The following HUNK variants were observed in gnomAD, a reference collection of about 807,000 sequenced individuals.
HUNK encodes hormonally up-regulated Neu-associated kinase.
In HUNK, 21 loss-of-function variants were observed where a neutral mutation model predicts 61.0. The ratio of observed to expected loss-of-function variants is 0.34; its 90% CI spans 0.24 to 0.50. HUNK has a LOEUF of 0.50. Among genes scored for constraint, HUNK ranks in the 20% least tolerant of loss-of-function variants. HUNK has a pLI of 0.98. For synonymous variants in HUNK, 371 were observed against 386.1 expected, an observed-to-expected ratio of 0.96 and a Z score of 0.46; for missense variants, 772 against 945.7, an observed-to-expected ratio of 0.82 and a Z score of 2.41.
intron 2 of HUNK, among the ~76,000 whole-genome samples, chr21:31,939,717 GTTTT>G (rs369967151): frequency 7.7e-6 from 1 of 130,466 alleles, no homozygotes; most frequent in Admixed American, 7.8e-5. Flanking sequence ...CTCATGTGTT[GTTTT>G]TTTTTTTTTT....
chr21:31,998,386 G>C, intron 10 of HUNK, 140 bp from the exon 11 acceptor site: 1 of 780,250 alleles, frequency 1.3e-6, no homozygotes. Context: ...TTGCAAAGTA[G>C]CCAAGGCTGT....
At chr21:31,925,983 G>A (rs761672444) in intron 2 of HUNK, among the ~76,000 whole-genome samples, 60 of 151,490 alleles carry the variant, frequency 4.0e-4, no homozygotes, top group Non-Finnish European at 7.4e-4. Context: ...GTGCAATGGC[G>A]CAATCTTGGC....
At chr21:31,983,689 TTACTGTGGGACA>T in intron 8 of HUNK, 80 bp downstream of exon 8, 1 of 989,614 alleles carries the variant, frequency 1.0e-6, no homozygotes, top group Non-Finnish European at 1.6e-6. Context: ...AAGAAACCAA[TTACTGTGGGACA>T]CTGAAGTAGC....
intron 1 of HUNK, among the ~76,000 whole-genome samples, chr21:31,919,398 G>A (rs1469450914): frequency 6.6e-6 from 1 of 152,178 alleles, no homozygotes; most frequent in East Asian, 1.9e-4. Flanking sequence ...TTGCACAGAA[G>A]TTGGAAGGTA....
chr21:31,911,747 C>T (rs1013458018), intron 1 of HUNK, among the ~76,000 whole-genome samples: 10 of 151,430 alleles, frequency 6.6e-5, no homozygotes, highest in South Asian at 2.1e-4. Context: ...TTTAGGGGGG[C>T]GTGTGGGGGC....
At position 31,917,691 on chromosome 21, in the gene HUNK, AACATACACACACACAC is replaced by A. The variant is rs1469184097; in HGVS notation, c.262-6773_262-6758del. On this transcript the variant is annotated intron_variant, in intron 1 of 10. Coordinates refer to ENST00000270112, the MANE Select transcript of HUNK (RefSeq NM_014586.2). ...TACCCTCCTGAAACTCCCATTCCCA[AACATACACACACACAC>A]ACACACACACACACACACACACACA... Among the ~76,000 whole-genome samples, 349 of 54,648 alleles carry A rather than the reference AACATACACACACACAC, an allele frequency of 6.4e-3. 4 individuals carry two copies. The highest frequency in any genetic ancestry group is 0.015 in the African/African-American group (250 of 17,076). 35.9% of individuals were successfully genotyped at this position (54,648 alleles called of 152,430 possible). A position where few individuals can be genotyped will look rare whatever the true frequency, so the allele number is the denominator to read the frequency against.
chr21:31,905,745 G>A (rs556358667), intron 1 of HUNK, among the ~76,000 whole-genome samples: 2 of 152,312 alleles, frequency 1.3e-5, no homozygotes, highest in African/African-American at 2.4e-5. Flanking sequence ...AATAAATCAG[G>A]GCAGAGTGGA....
intron 4 of HUNK, among the ~76,000 whole-genome samples, chr21:31,947,447 C>A (rs2052816626): frequency 6.6e-6 from 1 of 152,260 alleles, no homozygotes. Context: ...AGCTCCCTGC[C>A]AGGGAGTCCC....
At chr21:31,967,186 C>A (rs1476416790) in intron 5 of HUNK, among the ~76,000 whole-genome samples, 1 of 151,406 alleles carries the variant, frequency 6.6e-6, no homozygotes, top group Non-Finnish European at 1.5e-5. Context: ...CCATCTCTAC[C>A]AAAAAAATAA....
At chr21:31,928,029 C>A (rs180851891) in intron 2 of HUNK, among the ~76,000 whole-genome samples, 39 of 152,250 alleles carry the variant, frequency 2.6e-4, no homozygotes, top group Admixed American at 7.8e-4. Flanking sequence ...CCAACAATAC[C>A]CTTGGGTAGC....
chr21:31,898,064 C>A (rs1392012784), intron 1 of HUNK, among the ~76,000 whole-genome samples: 1 of 152,138 alleles, frequency 6.6e-6, no homozygotes, highest in Admixed American at 6.6e-5. Flanking sequence ...TTAAGGAAGA[C>A]CTTAGACTCT....
At chr21:31,876,571 T>G (rs772603517) in intron 1 of HUNK, among the ~76,000 whole-genome samples, 3 of 152,204 alleles carry the variant, frequency 2.0e-5, no homozygotes, top group African/African-American at 4.8e-5. Flanking sequence ...AAAACAAAGA[T>G]GACCACAGCC....
At chr21:31,926,915 TTAA>T (rs2052664213) in intron 2 of HUNK, among the ~76,000 whole-genome samples, 1 of 152,196 alleles carries the variant, frequency 6.6e-6, no homozygotes. Context: ...AATTTTAATT[TTAA>T]TAATGATAAT....
chr21:31,919,316 A>T (rs2052607818), intron 1 of HUNK, among the ~76,000 whole-genome samples: 1 of 152,084 alleles, frequency 6.6e-6, no homozygotes. Flanking sequence ...CACCTTCAGG[A>T]AAGGGAGGAG....
chr21:31,957,776 T>C (rs185234008), intron 4 of HUNK, among the ~76,000 whole-genome samples: 14 of 152,310 alleles, frequency 9.2e-5, no homozygotes, highest in Non-Finnish European at 1.6e-4. Flanking sequence ...ACATCTGAGA[T>C]GTTGGGTTGG....
chr21:31,945,136 T>C (rs1248135791), intron 3 of HUNK, among the ~76,000 whole-genome samples: 1 of 152,098 alleles, frequency 6.6e-6, no homozygotes, highest in African/African-American at 2.4e-5. Context: ...GACCATAATA[T>C]TTACATTGAA....
intron 2 of HUNK, among the ~76,000 whole-genome samples, chr21:31,934,394 G>C (rs2052718641): frequency 7.2e-6 from 1 of 138,796 alleles, no homozygotes; most frequent in African/African-American, 2.8e-5. Flanking sequence ...AGTGAGCTGA[G>C]ATCACGCCAC....
chr21:31,988,680 TTTTC>T (rs1052499984), intron 8 of HUNK, among the ~76,000 whole-genome samples: 10 of 145,792 alleles, frequency 6.9e-5, no homozygotes, highest in African/African-American at 2.3e-4. Context: ...TTTCTCTTTC[TTTTC>T]TTTTTCTTTT....
At chr21:31,914,693 G>C (rs910825251) in intron 1 of HUNK, among the ~76,000 whole-genome samples, 1 of 152,136 alleles carries the variant, frequency 6.6e-6, no homozygotes, top group African/African-American at 2.4e-5. Context: ...GCTTCTAGAT[G>C]ACTGCCTTCT....
Sources: allele counts gnomAD v4.1 joint callset (sites outside exome capture counted in the v4.1 genomes callset), GRCh38; gene constraint gnomAD v4.1.1; transcripts MANE v1.5; gene names NCBI Gene and HGNC (gene_info 2026-07-23, HGNC 2026-07-21).